TMEM117: variants seen among roughly 807,000 people sequenced by gnomAD.
TMEM117 encodes the protein transmembrane protein 117.
TMEM117 carries 27 observed loss-of-function variants against 52.4 expected under a neutral mutation model. That is an observed-to-expected ratio of 0.51 (90% CI 0.38 to 0.71). TMEM117 has a LOEUF of 0.71. Ranked by LOEUF, TMEM117 falls within the 30% of genes least tolerant of loss-of-function variation. The pLI is 0.00. For synonymous variants in TMEM117, 215 were observed against 206.3 expected, an observed-to-expected ratio of 1.04 and a Z score of -0.36; for missense variants, 556 against 630.5, an observed-to-expected ratio of 0.88 and a Z score of 1.26.
chr12:43,956,247 T>C (rs1945303620), intron 3 of TMEM117, among the ~76,000 whole-genome samples: 1 of 152,058 alleles, frequency 6.6e-6, no homozygotes, highest in Non-Finnish European at 1.5e-5. Context: ...GACTTTATGA[T>C]GAAATTGCCG....
intron 6 of TMEM117, among the ~76,000 whole-genome samples, chr12:44,357,434 T>A (rs1011150534): frequency 6.6e-6 from 1 of 152,070 alleles, no homozygotes; most frequent in East Asian, 1.9e-4. Context: ...AGTGAATGAA[T>A]AAAGAAGCAC....
upstream of TMEM117, among the ~76,000 whole-genome samples, chr12:43,835,178 A>G (rs1943008012): frequency 6.6e-6 from 1 of 152,210 alleles, no homozygotes; most frequent in South Asian, 2.1e-4. Context: ...TTAGGTGTGG[A>G]AGGAAACAGA....
At chr12:43,844,075 C>T (rs977708832) in intron 1 of TMEM117, among the ~76,000 whole-genome samples, 2 of 152,194 alleles carry the variant, frequency 1.3e-5, no homozygotes, top group South Asian at 2.1e-4. Context: ...GTGGCTCACA[C>T]CTGTAATCCC....
chr12:44,138,620 T>G (rs1565844462), intron 3 of TMEM117, among the ~76,000 whole-genome samples: 1 of 152,156 alleles, frequency 6.6e-6, no homozygotes, highest in Non-Finnish European at 1.5e-5. Flanking sequence ...TGGAATTTTA[T>G]CAGTGACCAT....
the TMEM117 span, chr12:43,806,430 C>A: frequency 8.9e-7 from 1 of 1,122,828 alleles, no homozygotes; most frequent in African/African-American, 1.6e-5. Flanking sequence ...CCTTCCTGGC[C>A]GCCGGGCTGC....
intron 3 of TMEM117, chr12:44,010,018 A>T (rs146017652): frequency 3.0e-6 from 1 of 336,510 alleles, no homozygotes; most frequent in Non-Finnish European, 6.0e-6. Context: ...TCAGGCCGAG[A>T]TACTCTATTT....
chr12:43,811,924 C>G, the TMEM117 span, among the ~76,000 whole-genome samples: 1 of 152,266 alleles, frequency 6.6e-6, no homozygotes, highest in Admixed American at 6.5e-5. Context: ...TATCTTTCAG[C>G]ATGTATTTCT....
intron 3 of TMEM117, among the ~76,000 whole-genome samples, chr12:43,950,868 G>C (rs764887060): frequency 6.6e-6 from 1 of 152,202 alleles, no homozygotes. Context: ...CAAGATGGCC[G>C]AATAGAAACA....
At chr12:43,903,832 C>T (rs775865759) in intron 2 of TMEM117, among the ~76,000 whole-genome samples, 1 of 152,112 alleles carries the variant, frequency 6.6e-6, no homozygotes, top group Non-Finnish European at 1.5e-5. Flanking sequence ...AGAATCCTCT[C>T]CTTTCTAATT....
intron 2 of TMEM117, among the ~76,000 whole-genome samples, chr12:43,906,481 C>T (rs770149237): frequency 2.4e-4 from 35 of 146,718 alleles, no homozygotes; most frequent in East Asian, 1.2e-3. Flanking sequence ...AAAAAGAAAG[C>T]GGGGGAGGAG....
intron 4 of TMEM117, among the ~76,000 whole-genome samples, chr12:44,200,568 G>A (rs145968960): frequency 4.6e-5 from 7 of 152,170 alleles, no homozygotes; most frequent in African/African-American, 1.4e-4. Context: ...CTTAGAAATC[G>A]CTTTAAATAA....
chr12:44,376,798 C>T, intron 7 of TMEM117, 74 bp downstream of exon 7: 1 of 1,444,908 alleles, frequency 6.9e-7, no homozygotes, highest in Non-Finnish European at 9.2e-7. Flanking sequence ...CTGTAAAAAG[C>T]AAGCCATAAT....
intron 2 of TMEM117, among the ~76,000 whole-genome samples, chr12:43,938,513 G>T (rs556085289): frequency 1.1e-4 from 16 of 152,110 alleles, no homozygotes; most frequent in African/African-American, 3.6e-4. Context: ...TGTCTTGGGG[G>T]AGAAAGTAGT....
chr12:44,084,993 G>A (rs1043609087), intron 3 of TMEM117, among the ~76,000 whole-genome samples: 9 of 152,160 alleles, frequency 5.9e-5, no homozygotes, highest in Non-Finnish European at 1.3e-4. Flanking sequence ...TAGGGTTGCT[G>A]TGAAGATTCA....
At chr12:43,904,171 C>G (rs906757912) in intron 2 of TMEM117, among the ~76,000 whole-genome samples, 1 of 152,102 alleles carries the variant, frequency 6.6e-6, no homozygotes, top group African/African-American at 2.4e-5. Flanking sequence ...TTCAATAAAA[C>G]AGATTCATTA....
rs115422725 is a variant in TMEM117, at chr12:43,891,823, G to A, written c.277+46895G>A. On this transcript the variant is annotated intron_variant, in intron 2 of 7. Coordinates refer to ENST00000266534, the MANE Select transcript of TMEM117 (RefSeq NM_032256.3). ...TTAAAGTAGTCTGCACTTACTCTCA[G>A]CTTCCTTAGTTCTCTATTATTCCTT... Among the ~76,000 whole-genome samples the A allele has an allele frequency of 8.1e-3, 1,229 of 151,992 alleles. 25 individuals are homozygous for A. Among genetic ancestry groups the A allele is most frequent in the African/African-American group, 0.028 (1,146 of 41,434 alleles).
intron 5 of TMEM117, among the ~76,000 whole-genome samples, chr12:44,244,929 C>G (rs1416907801): frequency 6.6e-6 from 1 of 152,024 alleles, no homozygotes; most frequent in Non-Finnish European, 1.5e-5. Context: ...GTTTCCTCAG[C>G]ACCACTTATG....
In TMEM117 at chr12:44,301,723, T is replaced by C. The variant is rs568548085; in HGVS notation, c.768+1984T>C. On this transcript the variant is annotated intron_variant, in intron 6 of 7. Transcript: ENST00000266534. The stretch of plus-strand genomic sequence containing the variant: ...TTTTGTTTTTGCCTTCTCTTTTTTT[T>C]TCTCTTATTGTAAAATGGCCTTTCC... Among the ~76,000 whole-genome samples the C allele has an allele frequency of 2.6e-5, 4 of 152,306 alleles. No homozygotes were observed. In the East Asian group the frequency reaches 7.7e-4, roughly 29 times the overall value.
intron 2 of TMEM117, among the ~76,000 whole-genome samples, chr12:43,924,769 T>A (rs920526289): frequency 6.6e-6 from 1 of 152,184 alleles, no homozygotes; most frequent in African/African-American, 2.4e-5. Context: ...CAAAGTTATT[T>A]ATTGCTGTGT....
Sources: gnomAD v4.1 joint callset for allele counts (sites outside exome capture counted in the v4.1 genomes callset) on GRCh38, gnomAD v4.1.1 for gene constraint, MANE v1.5 for transcripts, NCBI Gene and HGNC (gene_info 2026-07-23, HGNC 2026-07-21) for gene names.